CPNE8: variants seen among roughly 807,000 people sequenced by gnomAD.
CPNE8 encodes the protein copine 8.
In CPNE8, 45 loss-of-function variants were observed where a neutral mutation model predicts 81.5. That is an observed-to-expected ratio of 0.55 (90% CI 0.44 to 0.71). The LOEUF (loss-of-function observed/expected upper bound fraction) is 0.71. Ranked by LOEUF, CPNE8 falls within the 30% of genes least tolerant of loss-of-function variation. The pLI, the probability that CPNE8 is intolerant of heterozygous loss-of-function variation, is 0.00. For synonymous variants in CPNE8, 252 were observed against 226.3 expected (o/e 1.11, Z -1.02); for missense variants, 594 against 672.1 (o/e 0.88, Z 1.28).
intron 1 of CPNE8, among the ~76,000 whole-genome samples, chr12:38,904,175 GA>G (rs1421782815): frequency 6.6e-6 from 1 of 152,168 alleles, no homozygotes; most frequent in East Asian, 1.9e-4. Context: ...CTAAGGAAAG[GA>G]AAGGGAGGAT....
intron 6 of CPNE8, among the ~76,000 whole-genome samples, chr12:38,796,372 G>C (rs935687757): frequency 6.6e-6 from 1 of 151,774 alleles, no homozygotes; most frequent in East Asian, 1.9e-4. Flanking sequence ...CAAATTTAGG[G>C]CAATAAAAAT....
At chr12:38,706,286 A>C (rs1447430161) in intron 13 of CPNE8, among the ~76,000 whole-genome samples, 1 of 152,130 alleles carries the variant, frequency 6.6e-6, no homozygotes, top group Non-Finnish European at 1.5e-5. Context: ...TAAAGAGATT[A>C]ATCCTCCTGA....
chr12:38,781,232 T>A lies in CPNE8; in HGVS notation c.408-4931A>T, dbSNP rs375004938. On this transcript the variant is annotated intron_variant, in intron 6 of 19. Transcript: ENST00000331366. ...AAAATGCAATCAGTTCAAAAGGAAC[T>A]AAGACTAAAGAAAGAATGGGGCAGA... Among the ~76,000 whole-genome samples, 126 of 152,102 alleles carry A rather than the reference T, an allele frequency of 8.3e-4. No homozygotes were observed. In the East Asian group the frequency reaches 9.1e-3, roughly 11 times the overall value.
intron 1 of CPNE8, among the ~76,000 whole-genome samples, chr12:38,901,980 T>C (rs1372159179): frequency 6.6e-6 from 1 of 152,076 alleles, no homozygotes; most frequent in African/African-American, 2.4e-5. Flanking sequence ...AGCATAAACA[T>C]AGACATATAA....
At chr12:38,780,523 A>G (rs867399827) in intron 6 of CPNE8, among the ~76,000 whole-genome samples, 3 of 152,228 alleles carry the variant, frequency 2.0e-5, no homozygotes, top group Admixed American at 6.5e-5. Context: ...CATAATAAAA[A>G]TAGATTTACA....
At chr12:38,892,740 C>G (rs1300226179) in intron 1 of CPNE8, among the ~76,000 whole-genome samples, 1 of 152,168 alleles carries the variant, frequency 6.6e-6, no homozygotes, top group Non-Finnish European at 1.5e-5. Flanking sequence ...GACAATTTTA[C>G]TAAAAACTCT....
intron 10 of CPNE8, among the ~76,000 whole-genome samples, chr12:38,754,288 G>T (rs1941413148): frequency 6.6e-6 from 1 of 152,068 alleles, no homozygotes; most frequent in Non-Finnish European, 1.5e-5. Flanking sequence ...ATCCTGCAAA[G>T]ATCTTCTAGT....
intron 6 of CPNE8, among the ~76,000 whole-genome samples, chr12:38,794,008 C>A (rs77436731): frequency 6.6e-6 from 1 of 152,026 alleles, no homozygotes; most frequent in Non-Finnish European, 1.5e-5. Context: ...GGAAAACTAT[C>A]CACATGCAAA....
chr12:38,760,732 A>G, intron 10 of CPNE8, 115 bp downstream of exon 10: 1 of 845,370 alleles, frequency 1.2e-6, no homozygotes, highest in Non-Finnish European at 1.9e-6. Context: ...TAACATTTGG[A>G]AAAACAAAAC....
chr12:38,885,751 A>G (rs187054578), intron 1 of CPNE8, among the ~76,000 whole-genome samples: 91 of 152,110 alleles, frequency 6.0e-4, no homozygotes, highest in African/African-American at 1.9e-3. Flanking sequence ...GTAATCCTCA[A>G]TGTTGGAGGA....
intron 1 of CPNE8, among the ~76,000 whole-genome samples, chr12:38,875,624 G>A (rs572321573): frequency 6.6e-6 from 1 of 151,920 alleles, no homozygotes; most frequent in Admixed American, 6.6e-5. Context: ...CTTATTTCAG[G>A]TTCTCAAAAG....
At chr12:38,711,748 C>A (rs930625746) in intron 13 of CPNE8, among the ~76,000 whole-genome samples, 5 of 152,176 alleles carry the variant, frequency 3.3e-5, no homozygotes, top group Admixed American at 1.3e-4. Context: ...GGATTACAGG[C>A]ATGACCCACT....
intron 16 of CPNE8, 78 bp from the exon 17 acceptor site, chr12:38,677,632 TAACA>T (rs1939320995): frequency 1.3e-6 from 1 of 782,716 alleles, no homozygotes; most frequent in Non-Finnish European, 2.2e-6. Flanking sequence ...TTGGAATAGT[TAACA>T]AACATTTTAA....
At chr12:38,656,708 GAACT>G (rs1427588688) in intron 19 of CPNE8, among the ~76,000 whole-genome samples, 3 of 152,090 alleles carry the variant, frequency 2.0e-5, no homozygotes, top group Non-Finnish European at 2.9e-5. Flanking sequence ...AACTTTTAAA[GAACT>G]AACACAAATT....
chr12:38,904,964 T>A (rs1168450587), intron 1 of CPNE8, among the ~76,000 whole-genome samples: 1 of 151,868 alleles, frequency 6.6e-6, no homozygotes, highest in African/African-American at 2.4e-5. Context: ...CTCCAGGAAG[T>A]GGGTGGGGAG....
intron 16 of CPNE8, among the ~76,000 whole-genome samples, chr12:38,681,656 T>A (rs556538833): frequency 2.2e-4 from 34 of 152,266 alleles, no homozygotes; most frequent in Non-Finnish European, 4.6e-4. Context: ...AAAAACTGGT[T>A]TCCCAGAAAA....
intron 10 of CPNE8, among the ~76,000 whole-genome samples, chr12:38,749,877 C>T (rs1316549977): frequency 6.6e-6 from 1 of 152,152 alleles, no homozygotes; most frequent in Non-Finnish European, 1.5e-5. Context: ...TTCAAGTGGG[C>T]TGCAGAAATT....
chr12:38,724,216 G>A (rs751795217), intron 12 of CPNE8, among the ~76,000 whole-genome samples: 8 of 152,132 alleles, frequency 5.3e-5, no homozygotes, highest in Non-Finnish European at 1.0e-4. Flanking sequence ...TCAGGATTCT[G>A]TAACGAGCTC....
At chr12:38,904,460 G>T (rs1283172843) in intron 1 of CPNE8, among the ~76,000 whole-genome samples, 2 of 130,528 alleles carry the variant, frequency 1.5e-5, no homozygotes, top group African/African-American at 2.9e-5. Context: ...TTGAAAGTCA[G>T]TTTTTTTTTG....
Sources: allele counts gnomAD v4.1 joint callset (sites outside exome capture counted in the v4.1 genomes callset), GRCh38; gene constraint gnomAD v4.1.1; transcripts MANE v1.5; gene names NCBI Gene and HGNC (gene_info 2026-07-23, HGNC 2026-07-21).